SRR: variants seen among roughly 807,000 people sequenced by gnomAD.
The protein encoded by SRR is D-serine ammonia-lyase.
SRR carries 19 observed loss-of-function variants against 32.7 expected under a neutral mutation model. The ratio of observed to expected loss-of-function variants is 0.58; its 90% confidence interval spans 0.40 to 0.85. The LOEUF is 0.85. SRR is among the 40% of genes least tolerant of loss of function. SRR has a pLI of 0.00. For missense variants in SRR, 373 were observed against 404.7 expected, an observed-to-expected ratio of 0.92 and a Z score of 0.67; for synonymous variants, 142 against 140.9, an observed-to-expected ratio of 1.01 and a Z score of -0.06.
At chr17:2,313,458 G>A (rs531510510) in intron 1 of SRR, among the ~76,000 whole-genome samples, 70 of 151,470 alleles carry the variant, frequency 4.6e-4, no homozygotes, top group Non-Finnish European at 7.5e-4. Context: ...TAAATGGGCC[G>A]GGCGTGGTGG....
intron 3 of SRR, 26 bp downstream of exon 3, chr17:2,318,022 T>C: frequency 6.3e-7 from 1 of 1,579,204 alleles, no homozygotes; most frequent in South Asian, 1.1e-5. Flanking sequence ...AGGTACTGGG[T>C]AGATCTTCAG....
At chr17:2,306,849 G>A (rs1332983695) in intron 1 of SRR, 3 of 823,258 alleles carry the variant, frequency 3.6e-6, no homozygotes, top group Non-Finnish European at 4.2e-6. Context: ...ATGAGAGCCT[G>A]AGGAGCCATT....
At chr17:2,304,959 G>A (rs1224476909) in intron 1 of SRR, among the ~76,000 whole-genome samples, 2 of 152,126 alleles carry the variant, frequency 1.3e-5, no homozygotes, top group Non-Finnish European at 2.9e-5. Context: ...GCCTCCACCT[G>A]TTGCCCCTCC....
chr17:2,313,595 G>T (rs868733524), intron 1 of SRR, among the ~76,000 whole-genome samples: 6 of 151,976 alleles, frequency 3.9e-5, no homozygotes, highest in African/African-American at 1.5e-4. Context: ...AATTAGCTGG[G>T]TGTGGTGGTG....
At chr17:2,323,603 A>C in intron 7 of SRR, 52 bp from the exon 8 acceptor site, 1 of 1,582,430 alleles carries the variant, frequency 6.3e-7, no homozygotes, top group Non-Finnish European at 8.7e-7. Context: ...CTTTATAGGT[A>C]AACCAACTAG....
At chr17:2,303,511 C>T, upstream of SRR, 2 of 1,330,054 alleles carry the variant, frequency 1.5e-6, no homozygotes, top group Non-Finnish European at 9.6e-7. Flanking sequence ...GGCCCCAGCG[C>T]CTACTGCTGG....
In SRR at chr17:2,318,898, C is replaced by T. The variant is rs1018617538; in HGVS notation, c.368C>T (p.Ala123Val). ...CKKLAIQAYG[A>V]SIVYCEPSDE... The stretch of plus-strand genomic sequence containing the variant: ...AAACTTGCAATACAAGCCTACGGAG[C>T]GTCAATTGTATACTGTGAACCTAGT... Residue 123 changes from alanine to valine, a missense_variant, in exon 4 of 8, where the codon GCG (alanine) becomes GTG (valine). By Grantham distance (64) the Ala-to-Val change is moderately conservative. Transcript: ENST00000344595. The T allele has an allele frequency of 5.0e-6, 8 of 1,613,426 alleles. No homozygotes were observed. Among genetic ancestry groups the T allele is most frequent in the African/African-American group, 4.0e-5 (3 of 74,868 alleles).
In SRR at chr17:2,323,047, G is replaced by A. The variant is rs899188065; in HGVS notation, c.595-89G>A. ...CCCAAAGTGTTGGGATTACAGGTGT[G>A]AGCCACCACACCAGGCCCATATTTT... On this transcript the variant is annotated intron_variant, in intron 6 of 7. Coordinates refer to ENST00000344595, the MANE Select transcript of SRR (RefSeq NM_021947.3). 5.1e-6 allele frequency: 7 copies of A among 1,375,262 alleles called. No individual in the cohort carries two copies. In the East Asian group the frequency reaches 9.2e-5, roughly 18 times the overall value. The allele number at this position is 1,375,262 out of a possible 1,614,324, so 85.2% of individuals were successfully genotyped here.
Position 2,321,522 on chromosome 17 carries a change from A to G in SRR, c.520-20A>G. 1 of 1,613,600 alleles carries G rather than the reference A, an allele frequency of 6.2e-7. No individual in the cohort carries two copies. Among genetic ancestry groups the G allele is most frequent in the Non-Finnish European group, 8.5e-7 (1 of 1,179,592 alleles). ...ATACATTAAATATAAAACTGCTTAC[A>G]GTTTATATTTTCACTAAAGGTTCCT... is the stretch of plus-strand genomic sequence containing the variant. On this transcript the variant is annotated intron_variant, in intron 5 of 7. Transcript: ENST00000344595.
chr17:2,325,128 TA>T lies in SRR; in HGVS notation c.*1259del. The T allele has an allele frequency of 1.6e-6, 1 of 613,020 alleles. No homozygotes were observed. The highest frequency in any genetic ancestry group is 2.8e-6 in the Non-Finnish European group (1 of 362,584). The allele number at this position is 613,020 out of a possible 1,614,324, so 38.0% of individuals were successfully genotyped here. A position where few individuals can be genotyped will look rare whatever the true frequency, so the allele number is the denominator to read the frequency against. ...AGGACTGGCTATACACTGTTTCACG[TA>T]AAAGTTGGAGTTTTCATTGTTCTAT... On this transcript the variant is annotated 3_prime_UTR_variant, in exon 8 of 8. Coordinates refer to ENST00000344595, the MANE Select transcript of SRR (RefSeq NM_021947.3).
At chr17:2,304,576 G>A (rs930915322) in intron 1 of SRR, among the ~76,000 whole-genome samples, 1 of 151,718 alleles carries the variant, frequency 6.6e-6, no homozygotes, top group African/African-American at 2.4e-5. Context: ...ATACGATATA[G>A]TTGGAATCGT....
At chr17:2,304,901 T>C (rs1408261274) in intron 1 of SRR, among the ~76,000 whole-genome samples, 1 of 152,218 alleles carries the variant, frequency 6.6e-6, no homozygotes, top group African/African-American at 2.4e-5. Context: ...CTTGAATCTT[T>C]TTTTGGAGAA....
intron 1 of SRR, among the ~76,000 whole-genome samples, chr17:2,304,665 G>A (rs1472406566): frequency 6.6e-6 from 1 of 151,804 alleles, no homozygotes; most frequent in African/African-American, 2.4e-5. Context: ...TGAGACGGGC[G>A]GATCGCTTGA....
Position 2,304,008 on chromosome 17 carries a change from G to A in SRR, c.-14G>A. The A allele has an allele frequency of 3.3e-6, 1 of 303,136 alleles. No homozygotes were observed. The highest frequency in any genetic ancestry group is 6.0e-6 in the Non-Finnish European group (1 of 166,464). The allele number at this position is 303,136 out of a possible 1,614,324, so 18.8% of individuals were successfully genotyped here. A position where few individuals can be genotyped will look rare whatever the true frequency, so the allele number is the denominator to read the frequency against. On this transcript the variant is annotated 5_prime_UTR_variant, in exon 1 of 8. It adds an upstream start codon to the 5' untranslated region. Transcript: ENST00000344595. ...GGCTGGAGCTGGAGGCGCGGCGCCGGTGAGCTGAGGTGAGGCGAGGCCGGG... is the reference window on the plus strand; with the variant it reads ...GGCTGGAGCTGGAGGCGCGGCGCCGATGAGCTGAGGTGAGGCGAGGCCGGG...
chr17:2,303,799 G>C, upstream of SRR: 8 of 1,229,184 alleles, frequency 6.5e-6, no homozygotes, highest in Non-Finnish European at 6.6e-6. Flanking sequence ...CGGGCGGCGC[G>C]CGCGCTCGCC....
In SRR at chr17:2,321,297, T is replaced by C. The variant is rs2075526305; in HGVS notation, c.400-9T>C. 1 of 1,613,154 alleles carries C rather than the reference T, an allele frequency of 6.2e-7. No individual in the cohort carries two copies. The highest frequency in any genetic ancestry group is 1.3e-5 in the African/African-American group (1 of 74,890). On this transcript the variant is annotated splice_polypyrimidine_tract_variant and intron_variant, in intron 4 of 7. Transcript: ENST00000344595. ...ACAAATCAATTAAGCTAAATTAATG[T>C]ACTTTCAGTCCAGAGAAAATGTTGC...
chr17:2,321,604 A>T lies in SRR; in HGVS notation c.582A>T (p.Ala194=). 6.2e-7 allele frequency: 1 copy of T among 1,613,980 alleles called. No homozygotes were observed. Among genetic ancestry groups the T allele is most frequent in the Non-Finnish European group, 8.5e-7 (1 of 1,179,956 alleles). Residue 194 remains alanine (A), a synonymous_variant, in exon 6 of 8, where the codon GCA becomes GCT. Coordinates refer to ENST00000344595, the MANE Select transcript of SRR (RefSeq NM_021947.3). ...VGGGGMLAGI[A]ITVKALKPSV... is the part of the protein sequence containing the mutation. ...GAGGAGGAATGCTTGCTGGAATAGCAATTACAGTTAAGGTGAGCAGCTTCT... is the reference window on the plus strand; with the variant it reads ...GAGGAGGAATGCTTGCTGGAATAGCTATTACAGTTAAGGTGAGCAGCTTCT...
chr17:2,316,498 C>A (rs1027413678), intron 2 of SRR, among the ~76,000 whole-genome samples: 7 of 152,184 alleles, frequency 4.6e-5, no homozygotes, highest in Admixed American at 4.6e-4. Flanking sequence ...TTTAAGCATT[C>A]ACTGTATCAA....
At chr17:2,315,472 A>G in intron 1 of SRR, 85 bp from the exon 2 acceptor site, 1 of 1,336,886 alleles carries the variant, frequency 7.5e-7, no homozygotes, top group East Asian at 2.4e-5. Flanking sequence ...CCCCAGGTCT[A>G]TTCTGTTACG....
Sources: allele counts gnomAD v4.1 joint callset (sites outside exome capture counted in the v4.1 genomes callset), GRCh38; gene constraint gnomAD v4.1.1; transcripts MANE v1.5; gene names NCBI Gene and HGNC (gene_info 2026-07-23, HGNC 2026-07-21).